The following CD226 variants were observed in gnomAD, a reference collection of about 807,000 sequenced individuals.
CD226 encodes the protein CD226 antigen.
Under a neutral mutation model 34.9 loss-of-function variants are expected in CD226, and 24 were observed. The ratio of observed to expected loss-of-function variants is 0.69; its 90% CI spans 0.50 to 0.97. The LOEUF (loss-of-function observed/expected upper bound fraction) is 0.97. CD226 is among the 50% of genes least tolerant of loss of function. CD226 has a pLI of 0.00. For synonymous variants in CD226, 148 were observed against 147.4 expected, an observed-to-expected ratio of 1.00 and a Z score of -0.03; for missense variants, 397 against 412.7, an observed-to-expected ratio of 0.96 and a Z score of 0.33.
chr18:69,933,286 G>T (rs992542076), intron 2 of CD226, among the ~76,000 whole-genome samples: 4 of 152,090 alleles, frequency 2.6e-5, no homozygotes, highest in Non-Finnish European at 4.4e-5. Flanking sequence ...CCAAAATCTG[G>T]ACCTTCCACC....
In CD226 at chr18:69,867,516, T is replaced by C. The variant is rs112153402; in HGVS notation, c.831-105A>G. 2.9e-4 allele frequency: 206 copies of C among 712,586 alleles called. 1 individual carries two copies. The African/African-American group carries it at 3.2e-3, about 11-fold the overall frequency. 44.1% of individuals were successfully genotyped at this position (712,586 alleles called of 1,614,324 possible). A position where few individuals can be genotyped will look rare whatever the true frequency, so the allele number is the denominator to read the frequency against. On this transcript the variant is annotated intron_variant, in intron 4 of 5. Transcript: ENST00000582621. Reference sequence around the variant, plus strand: ...GTACCCCTAGCCCACATGCACCTTCTAATATGTTGAAGTAGCTTTATGCAC... The same window carrying C: ...GTACCCCTAGCCCACATGCACCTTCCAATATGTTGAAGTAGCTTTATGCAC...
intron 3 of CD226, among the ~76,000 whole-genome samples, chr18:69,889,412 C>A (rs1196847710): frequency 6.6e-6 from 1 of 151,916 alleles, no homozygotes; most frequent in African/African-American, 2.4e-5. Context: ...TTCAGACAAT[C>A]CTCATGTCCA....
At position 69,855,273 on chromosome 18, in the gene CD226, T is replaced by C. The variant is rs924799309; in HGVS notation, c.*9041A>G. The C allele has an allele frequency of 6.6e-6, 1 of 151,310 alleles. No homozygotes were observed. The highest frequency in any genetic ancestry group is 1.5e-5 in the Non-Finnish European group (1 of 67,868). The allele number at this position is 151,310 out of a possible 1,614,324, so 9.4% of individuals were successfully genotyped here. A position where few individuals can be genotyped will look rare whatever the true frequency, so the allele number is the denominator to read the frequency against. ...ATGTTAAGAGCTCTCATGAAAAAAATAGACAACAGATGGATAATGTAAGAA... is the reference window on the plus strand; with the variant it reads ...ATGTTAAGAGCTCTCATGAAAAAAACAGACAACAGATGGATAATGTAAGAA... On this transcript the variant is annotated 3_prime_UTR_variant, in exon 6 of 6. Transcript: ENST00000582621.
At position 69,879,285 on chromosome 18, in the gene CD226, C is replaced by A. The variant is rs1984067396; in HGVS notation, c.728-6039G>T. On this transcript the variant is annotated intron_variant, in intron 3 of 5. Transcript: ENST00000582621. ...CTGGAATTTCCTAATCCTAGCAAGC[C>A]TGGGGGTGCTGCAGGAGGCCAGGGC... Among the ~76,000 whole-genome samples the A allele has an allele frequency of 5.9e-5, 9 of 152,294 alleles. No homozygotes were observed. The South Asian group carries it at 1.9e-3, about 32-fold the overall frequency.
chr18:69,947,624 G>A lies in CD226; in HGVS notation c.-218C>T. The A allele has an allele frequency of 2.6e-6, 1 of 388,280 alleles. No homozygotes were observed. The highest frequency in any genetic ancestry group is 4.6e-6 in the Non-Finnish European group (1 of 219,312). 24.1% of individuals were successfully genotyped at this position (388,280 alleles called of 1,614,324 possible). A position where few individuals can be genotyped will look rare whatever the true frequency, so the allele number is the denominator to read the frequency against. ...CAGATTTGAGTTTCTTCTCTCTCGG[G>A]GAACCAGTCGGCTTATTTTCGGGCT... On this transcript the variant is annotated 5_prime_UTR_variant, in exon 1 of 6. Transcript: ENST00000582621.
Position 69,936,611 on chromosome 18 carries a change from AT to A in CD226, c.382+10122del, listed in dbSNP as rs2055657110. On this transcript the variant is annotated intron_variant, in intron 2 of 5. Coordinates refer to ENST00000582621, the MANE Select transcript of CD226 (RefSeq NM_001303618.2). ...AAATGAAAAACTGCTAAAATGTAACATTTTTTAGTCTTGTGTGTGTGCATGC... is the reference window on the plus strand; with the variant it reads ...AAATGAAAAACTGCTAAAATGTAACATTTTTAGTCTTGTGTGTGTGCATGC... 2.0e-5 allele frequency among the ~76,000 whole-genome samples: 3 copies of A among 152,086 alleles called. No homozygotes were observed. In the South Asian group the frequency reaches 6.2e-4, roughly 32 times the overall value.
At chr18:69,911,344 A>G (rs773079105) in intron 2 of CD226, among the ~76,000 whole-genome samples, 2 of 152,170 alleles carry the variant, frequency 1.3e-5, no homozygotes, top group Non-Finnish European at 2.9e-5. Context: ...CTTTCTCCAA[A>G]TGCTGACATT....
upstream of CD226, among the ~76,000 whole-genome samples, chr18:69,951,826 G>A (rs1220186903): frequency 6.6e-6 from 1 of 152,106 alleles, no homozygotes; most frequent in African/African-American, 2.4e-5. Context: ...ACTGTTCATG[G>A]GAATGTAAAT....
chr18:69,857,337 T>C lies in CD226; in HGVS notation c.*6977A>G, dbSNP rs1982642052. 6.6e-6 allele frequency: 1 copy of C among 152,244 alleles called. No individual in the cohort carries two copies. Among genetic ancestry groups the C allele is most frequent in the Non-Finnish European group, 1.5e-5 (1 of 68,044 alleles). The allele number at this position is 152,244 out of a possible 1,614,324, so 9.4% of individuals were successfully genotyped here. On this transcript the variant is annotated 3_prime_UTR_variant, in exon 6 of 6. Transcript: ENST00000582621. ...CAAAATTTGCTTCTGAGGACCATTATACGATAAAAATAAAGTGTGGGATAA... is the reference window on the plus strand; with the variant it reads ...CAAAATTTGCTTCTGAGGACCATTACACGATAAAAATAAAGTGTGGGATAA...
At chr18:69,948,409 T>A (rs1164073224), upstream of CD226, among the ~76,000 whole-genome samples, 1 of 152,174 alleles carries the variant, frequency 6.6e-6, no homozygotes, top group Non-Finnish European at 1.5e-5. Context: ...AAATAGAAGA[T>A]GAGTAAAAAT....
intron 2 of CD226, among the ~76,000 whole-genome samples, chr18:69,930,004 T>A (rs913367257): frequency 6.6e-6 from 1 of 152,092 alleles, no homozygotes; most frequent in East Asian, 1.9e-4. Context: ...AGGTCTGGCA[T>A]CTCTCCTCTG....
upstream of CD226, among the ~76,000 whole-genome samples, chr18:69,959,081 G>A (rs1042537068): frequency 1.3e-5 from 2 of 152,112 alleles, no homozygotes; most frequent in African/African-American, 4.8e-5. Flanking sequence ...TGGCCCCAAG[G>A]ATGCAACATT....
chr18:69,957,462 T>A (rs2055907517), upstream of CD226, among the ~76,000 whole-genome samples: 4 of 152,126 alleles, frequency 2.6e-5, no homozygotes, highest in African/African-American at 9.7e-5. Context: ...ACACTAGGTT[T>A]TTTGCTGCAC....
At position 69,896,034 on chromosome 18, in the gene CD226, C is replaced by T. The variant is rs1227312452; in HGVS notation, c.394G>A (p.Ala132Thr). The T allele has an allele frequency of 1.2e-6, 2 of 1,605,428 alleles. No homozygotes were observed. The highest frequency in any genetic ancestry group is 1.7e-6 in the Non-Finnish European group (2 of 1,176,536). Reference sequence around the variant, plus strand: ...ATGTGGCTATTTGATGGCACAGCTGCCTCAAAACTATCTGAAAAGAAGAAG... The same window carrying T: ...ATGTGGCTATTTGATGGCACAGCTGTCTCAAAACTATCTGAAAAGAAGAAG... Reference protein sequence around the residue: ...IQVVQSDSFEAAVPSNSHIVS... With the variant: ...IQVVQSDSFETAVPSNSHIVS... Residue 132 changes from alanine (A) to threonine (T), a missense_variant, in exon 3 of 6, where the codon GCA (alanine) becomes ACA (threonine). By Grantham distance (58) the Ala-to-Thr change is moderately conservative. Transcript: ENST00000582621.
At chr18:69,887,600 C>T (rs1984636449) in intron 3 of CD226, among the ~76,000 whole-genome samples, 1 of 152,140 alleles carries the variant, frequency 6.6e-6, no homozygotes, top group South Asian at 2.1e-4. Context: ...TTGTTTCACT[C>T]ACTGTCCAAC....
intron 2 of CD226, among the ~76,000 whole-genome samples, chr18:69,902,565 T>TA (rs1054452763): frequency 8.8e-5 from 13 of 148,502 alleles, no homozygotes; most frequent in Non-Finnish European, 1.6e-4. Context: ...TGCTTGTCCC[T>TA]AAAAAAAAAT....
rs146068981 is a variant in CD226 at position 69,936,873 on chromosome 18, T to C, written c.382+9861A>G. ...AGCTAGCAGGAATTGGTGACCCTTA[T>C]AACAGGAGAATAAGAAAGACTCTTT... On this transcript the variant is annotated intron_variant, in intron 2 of 5. Coordinates refer to ENST00000582621, the MANE Select transcript of CD226 (RefSeq NM_001303618.2). Among the ~76,000 whole-genome samples, 1,378 of 152,348 alleles carry C rather than the reference T, an allele frequency of 9.0e-3. 5 individuals carry two copies. Among genetic ancestry groups the C allele is most frequent in the Non-Finnish European group, 0.014 (983 of 68,018 alleles).
chr18:69,896,512 T>TTTTTTTG (rs1020503892), intron 2 of CD226, among the ~76,000 whole-genome samples: 1 of 152,134 alleles, frequency 6.6e-6, no homozygotes. Context: ...GAGAAAGGGT[T>TTTTTTTG]TTTTTTGTTT....
rs564112084 is a variant in CD226 at position 69,860,701 on chromosome 18, T to C, written c.*3613A>G. On this transcript the variant is annotated 3_prime_UTR_variant, in exon 6 of 6. Transcript: ENST00000582621. ...ACAGATCAGTGAAAAAATATACTTA[T>C]ACAGAAGTCTGAAGGTGGAGATCAG... 3.9e-5 allele frequency: 6 copies of C among 152,146 alleles called. No homozygotes were observed. Among genetic ancestry groups the C allele is most frequent in the Non-Finnish European group, 5.9e-5 (4 of 67,980 alleles). The allele number at this position is 152,146 out of a possible 1,614,324, so 9.4% of individuals were successfully genotyped here. A position where few individuals can be genotyped will look rare whatever the true frequency, so the allele number is the denominator to read the frequency against.
Sources: gnomAD v4.1 joint callset for allele counts (sites outside exome capture counted in the v4.1 genomes callset) on GRCh38, gnomAD v4.1.1 for gene constraint, MANE v1.5 for transcripts, NCBI Gene and HGNC (gene_info 2026-07-23, HGNC 2026-07-21) for gene names.